CHST1: variants seen among roughly 807,000 people sequenced by gnomAD.
CHST1 encodes carbohydrate sulfotransferase 1.
A neutral mutation model predicts 22.5 loss-of-function variants in CHST1; 10 were observed. The observed-to-expected ratio is 0.44, with a 90% CI of 0.27 to 0.75. The LOEUF is 0.75. Among genes scored for constraint, CHST1 ranks in the 30% least tolerant of loss-of-function variants. CHST1 has a pLI of 0.15. For missense variants in CHST1, 439 were observed against 576.1 expected (o/e 0.76, Z 2.44); for synonymous variants, 267 against 264.5 (o/e 1.01, Z -0.09).
intron 1 of CHST1, among the ~76,000 whole-genome samples, chr11:45,660,783 C>A (rs1054485796): frequency 6.6e-6 from 1 of 152,190 alleles, no homozygotes; most frequent in African/African-American, 2.4e-5. Flanking sequence ...CAGCTTGGGG[C>A]CCCCCACACA....
intron 1 of CHST1, among the ~76,000 whole-genome samples, chr11:45,660,034 C>A (rs1254539179): frequency 2.6e-5 from 4 of 152,184 alleles, no homozygotes; most frequent in Non-Finnish European, 5.9e-5. Flanking sequence ...GGGCATATGG[C>A]CAACCAGATG....
intron 1 of CHST1, among the ~76,000 whole-genome samples, chr11:45,654,826 G>A (rs988826584): frequency 6.6e-6 from 1 of 152,214 alleles, no homozygotes; most frequent in Non-Finnish European, 1.5e-5. Context: ...AACTTGAGAT[G>A]AGGGCACAGA....
Position 45,650,368 on chromosome 11 carries a change from C to G in CHST1, c.556G>C (p.Gly186Arg), listed in dbSNP as rs1304990793. ...LEEGDCVRKC[G>R]LLNLTVAAEA... is the part of the protein sequence containing the mutation. Reference sequence around the variant, plus strand: ...GCCGCCACGGTCAGGTTGAGTAGCCCGCACTTGCGCACACAGTCCCCCTCC... The same window carrying G: ...GCCGCCACGGTCAGGTTGAGTAGCCGGCACTTGCGCACACAGTCCCCCTCC... The change falls in exon 4 of 4, where the codon GGG becomes CGG. Residue 186 changes from glycine to arginine, a missense_variant. Physicochemically the swap from Gly to Arg is moderately radical, Grantham distance 125. Transcript: ENST00000308064. The G allele has an allele frequency of 1.9e-6, 3 of 1,603,482 alleles. No individual in the cohort carries two copies. Among genetic ancestry groups the G allele is most frequent in the African/African-American group, 1.3e-5 (1 of 75,046 alleles).
rs1204533913 is a variant in CHST1, at chr11:45,648,222, A to G, written c.*1466T>C. ...CCTTGAAGTTTCCCCCTCCCTGGCT[A>G]TCCTAGACCCAGACCCACCAACTAA... On this transcript the variant is annotated 3_prime_UTR_variant, in exon 4 of 4. Transcript: ENST00000308064. Among the ~76,000 whole-genome samples, 1 of 152,064 alleles carries G rather than the reference A, an allele frequency of 6.6e-6. No individual in the cohort carries two copies. Among genetic ancestry groups the G allele is most frequent in the East Asian group, 1.9e-4 (1 of 5,194 alleles).
At position 45,649,607 on chromosome 11, in the gene CHST1, T is replaced by G; in HGVS notation, c.*81A>C. On this transcript the variant is annotated 3_prime_UTR_variant, in exon 4 of 4. Transcript: ENST00000308064. ...GAAGATGAGGTGGGAGAGGGAGGGG[T>G]TAATAAGGCAACAGTTAAAAACGGT... The G allele has an allele frequency of 2.2e-6, 3 of 1,382,268 alleles. No homozygotes were observed. The highest frequency in any genetic ancestry group is 1.9e-6 in the Non-Finnish European group (2 of 1,029,400). 85.6% of individuals were successfully genotyped at this position (1,382,268 alleles called of 1,614,324 possible). A position where few individuals can be genotyped will look rare whatever the true frequency, so the allele number is the denominator to read the frequency against.
At chr11:45,663,558 G>A (rs1447237534) in intron 1 of CHST1, among the ~76,000 whole-genome samples, 2 of 152,154 alleles carry the variant, frequency 1.3e-5, no homozygotes, top group Non-Finnish European at 2.9e-5. Context: ...TTGAGATGGG[G>A]AAGCCGGGTG....
At chr11:45,662,209 TCA>T (rs1241547069) in intron 1 of CHST1, among the ~76,000 whole-genome samples, 1 of 152,174 alleles carries the variant, frequency 6.6e-6, no homozygotes, top group East Asian at 1.9e-4. Flanking sequence ...CTTTACTCTG[TCA>T]CAGAGGGCCA....
At position 45,650,191 on chromosome 11, in the gene CHST1, C is replaced by A; in HGVS notation, c.733G>T (p.Glu245Ter). The A allele has an allele frequency of 6.2e-7, 1 of 1,612,228 alleles. No individual in the cohort carries two copies. The highest frequency in any genetic ancestry group is 8.5e-7 in the Non-Finnish European group (1 of 1,180,008). ...AGCCGGTACGTGTCGCGGAAGGTCT[C>A]GCTGCGCGAAGCCAGAATGCCGCGG... ...DPRGILASRS[E>*]TFRDTYRLWR... is the part of the protein sequence containing the mutation. The change falls in exon 4 of 4, where the codon GAG becomes TAG. Residue 245 changes from glutamate to a stop codon, truncating the protein, a stop_gained. Coordinates refer to ENST00000308064, the MANE Select transcript of CHST1 (RefSeq NM_003654.6). LOFTEE classifies it high-confidence loss of function.
intron 1 of CHST1, among the ~76,000 whole-genome samples, chr11:45,653,992 T>A (rs979677090): frequency 6.6e-6 from 1 of 152,192 alleles, no homozygotes; most frequent in African/African-American, 2.4e-5. Flanking sequence ...CCAGGCAACG[T>A]GCTAGGAAGT....
In CHST1 at chr11:45,649,508, C is replaced by A; in HGVS notation, c.*180G>T. 1.5e-6 allele frequency: 1 copy of A among 666,236 alleles called. No homozygotes were observed. Among genetic ancestry groups the A allele is most frequent in the South Asian group, 2.1e-5 (1 of 48,212 alleles). The allele number at this position is 666,236 out of a possible 1,614,324, so 41.3% of individuals were successfully genotyped here. A position where few individuals can be genotyped will look rare whatever the true frequency, so the allele number is the denominator to read the frequency against. On this transcript the variant is annotated 3_prime_UTR_variant, in exon 4 of 4. Transcript: ENST00000308064. ...GCCCTCTGCCCCAGTGATTCCCGTC[C>A]AAGACGTAGTGCAAATTTCAGAGAC...
At chr11:45,664,265 A>G (rs1358418813) in intron 1 of CHST1, among the ~76,000 whole-genome samples, 1 of 152,148 alleles carries the variant, frequency 6.6e-6, no homozygotes, top group African/African-American at 2.4e-5. Context: ...GCTCCCTGTC[A>G]ATGGCCGGCC....
chr11:45,654,776 C>A (rs1465925896), intron 1 of CHST1, among the ~76,000 whole-genome samples: 2 of 152,232 alleles, frequency 1.3e-5, no homozygotes, highest in African/African-American at 4.8e-5. Flanking sequence ...AGTTGGTGAG[C>A]TTTCACTCCC....
At chr11:45,655,957 CA>C (rs1852056958) in intron 1 of CHST1, among the ~76,000 whole-genome samples, 1 of 152,244 alleles carries the variant, frequency 6.6e-6, no homozygotes, top group East Asian at 1.9e-4. Context: ...GGGAAAAACC[CA>C]GTCATCTTCC....
At chr11:45,658,457 T>C (rs1363032537) in intron 1 of CHST1, among the ~76,000 whole-genome samples, 2 of 152,188 alleles carry the variant, frequency 1.3e-5, no homozygotes, top group East Asian at 3.9e-4. Flanking sequence ...CCTGCTCCAC[T>C]GAAGCGCCAG....
In CHST1 at chr11:45,653,511, G is replaced by T. The variant is rs1313436541; in HGVS notation, c.-226-905C>A. 2.9e-5 allele frequency among the ~76,000 whole-genome samples: 4 copies of T among 138,422 alleles called. No individual in the cohort carries two copies. The South Asian group carries it at 1.0e-3, about 35-fold the overall frequency. The allele number at this position is 138,422 out of a possible 152,430, so 90.8% of individuals were successfully genotyped here. Reference sequence around the variant, plus strand: ...CTGGGCCAGGTATCCAGGGAGAAAGGCCCCTCTACTTTAAACCTGACCCCT... The same window carrying T: ...CTGGGCCAGGTATCCAGGGAGAAAGTCCCCTCTACTTTAAACCTGACCCCT... On this transcript the variant is annotated intron_variant, in intron 1 of 3. Coordinates refer to ENST00000308064, the MANE Select transcript of CHST1 (RefSeq NM_003654.6).
chr11:45,664,533 G>A (rs1852172926), intron 1 of CHST1, among the ~76,000 whole-genome samples: 1 of 152,238 alleles, frequency 6.6e-6, no homozygotes. Context: ...GGGTTACTCT[G>A]GGCTGTTACC....
chr11:45,658,872 C>T (rs930890731), intron 1 of CHST1, among the ~76,000 whole-genome samples: 3 of 152,086 alleles, frequency 2.0e-5, no homozygotes, highest in Non-Finnish European at 4.4e-5. Context: ...GGCTCCGGCC[C>T]ATCCTCCCAG....
chr11:45,663,348 T>C (rs929036368), intron 1 of CHST1, among the ~76,000 whole-genome samples: 3 of 152,104 alleles, frequency 2.0e-5, no homozygotes, highest in East Asian at 3.9e-4. Flanking sequence ...GCTAGGGCCC[T>C]GTCGGCAAGG....
chr11:45,647,711 A>G lies in CHST1; in HGVS notation c.*1977T>C, dbSNP rs1323540123. ...GGATGGTGGCACACGTTGTGAATGT[A>G]TTTAATGAATGGTACACCTTAAAAA... On this transcript the variant is annotated 3_prime_UTR_variant, in exon 4 of 4. Transcript: ENST00000308064. Among the ~76,000 whole-genome samples the G allele has an allele frequency of 3.3e-5, 5 of 152,242 alleles. No individual in the cohort carries two copies. Among genetic ancestry groups the G allele is most frequent in the Non-Finnish European group, 5.9e-5 (4 of 68,046 alleles).
Sources: gnomAD v4.1 joint callset for allele counts (sites outside exome capture counted in the v4.1 genomes callset) on GRCh38, gnomAD v4.1.1 for gene constraint, MANE v1.5 for transcripts, NCBI Gene and HGNC (gene_info 2026-07-23, HGNC 2026-07-21) for gene names.